CSMD1: variants seen among roughly 807,000 people sequenced by gnomAD.
The protein encoded by CSMD1 is CUB and Sushi multiple domains 1.
In CSMD1, 213 loss-of-function variants were observed where a neutral mutation model predicts 417.5. The observed-to-expected ratio is 0.51, with a 90% confidence interval of 0.46 to 0.57. The LOEUF is 0.57. CSMD1 is among the 20% of genes least tolerant of loss of function. CSMD1 has a pLI of 0.00. For synonymous variants in CSMD1, 2,862 were observed against 1,736.8 expected (o/e 1.65, Z -16.11); for missense variants, 6,923 against 4,529.7 (o/e 1.53, Z -15.17).
chr8:3,887,116 C>T (rs1675774695), intron 5 of CSMD1, among the ~76,000 whole-genome samples: 2 of 152,142 alleles, frequency 1.3e-5, no homozygotes, highest in South Asian at 4.1e-4. Flanking sequence ...GGTGGGACTT[C>T]TACCAAAACT....
rs1279024238 is a variant in CSMD1, at chr8:3,347,984, C to A, written c.3474+8G>T. 1.3e-6 allele frequency: 2 copies of A among 1,555,964 alleles called. No individual in the cohort carries two copies. The highest frequency in any genetic ancestry group is 2.3e-5 in the East Asian group (1 of 43,638). On this transcript the variant is annotated splice_region_variant and intron_variant, in intron 22 of 69. Coordinates refer to ENST00000635120, the MANE Select transcript of CSMD1 (RefSeq NM_033225.6). ...TGGAGTCATCATGTTGGAGAAGATT[C>A]TTTTTACCTTTAGAGTATCTCCTTC...
chr8:4,421,581 A>G (rs573981626), intron 2 of CSMD1, among the ~76,000 whole-genome samples: 2 of 152,232 alleles, frequency 1.3e-5, no homozygotes, highest in Admixed American at 1.3e-4. Context: ...ACACTTCTAA[A>G]TAATCCAGGG....
At chr8:4,733,445 C>G (rs531950136) in intron 1 of CSMD1, among the ~76,000 whole-genome samples, 2 of 152,120 alleles carry the variant, frequency 1.3e-5, no homozygotes, top group East Asian at 3.9e-4. Flanking sequence ...AGGTAGGTGT[C>G]GGAGAAGGAG....
chr8:4,327,449 C>T (rs2128888496), intron 3 of CSMD1, among the ~76,000 whole-genome samples: 1 of 152,224 alleles, frequency 6.6e-6, no homozygotes. Flanking sequence ...TGTTTGCAGC[C>T]TCCAGGTTGC....
chr8:4,527,329 G>A (rs1796566471), intron 2 of CSMD1, among the ~76,000 whole-genome samples: 1 of 152,012 alleles, frequency 6.6e-6, no homozygotes, highest in South Asian at 2.1e-4. Flanking sequence ...GTCTTCCTCT[G>A]CCCTTTACCC....
At chr8:3,532,091 A>G (rs920147461) in intron 10 of CSMD1, among the ~76,000 whole-genome samples, 9 of 152,132 alleles carry the variant, frequency 5.9e-5, no homozygotes, top group African/African-American at 2.2e-4. Flanking sequence ...AAGCCCCTAC[A>G]TTCCACTTTG....
intron 7 of CSMD1, among the ~76,000 whole-genome samples, chr8:3,670,241 A>G (rs1430183520): frequency 1.3e-5 from 2 of 151,944 alleles, no homozygotes; most frequent in African/African-American, 4.8e-5. Context: ...AAGCAGGCGG[A>G]AAAATATGAA....
intron 57 of CSMD1, among the ~76,000 whole-genome samples, chr8:2,968,749 A>G (rs1804191187): frequency 6.6e-6 from 1 of 152,212 alleles, no homozygotes; most frequent in South Asian, 2.1e-4. Flanking sequence ...GAGGAGAAAA[A>G]AGAACAATAA....
intron 3 of CSMD1, among the ~76,000 whole-genome samples, chr8:4,153,845 G>T (rs1460948796): frequency 6.6e-6 from 1 of 152,216 alleles, no homozygotes; most frequent in African/African-American, 2.4e-5. Context: ...TGCAAGTGGT[G>T]ACCGTAGCTA....
Position 4,438,157 on chromosome 8 carries a change from G to A in CSMD1, c.303-18092C>T, listed in dbSNP as rs191936897. Among the ~76,000 whole-genome samples the A allele has an allele frequency of 2.5e-3, 379 of 152,264 alleles. 1 individual carries two copies. The highest frequency in any genetic ancestry group is 8.4e-3 in the African/African-American group (347 of 41,542). On this transcript the variant is annotated intron_variant, in intron 2 of 69. Transcript: ENST00000635120. The stretch of plus-strand genomic sequence containing the variant: ...AGAATTGAGTGTGCTTCCTGATTTA[G>A]ATATTGCTGACTTCTTAAAAAACTC...
chr8:4,245,594 C>G (rs1267238563), intron 3 of CSMD1, among the ~76,000 whole-genome samples: 1 of 152,136 alleles, frequency 6.6e-6, no homozygotes, highest in East Asian at 1.9e-4. Flanking sequence ...ATCAGCTGGT[C>G]AACAGGTTCC....
In CSMD1 at chr8:4,080,094, G is replaced by C. The variant is rs1300414842; in HGVS notation, c.416-47995C>G. ...GACAACAGTCTCTGTCTCCATGTTTGTGTTCCTCACTCGTTCCATGTATAC... is the reference window on the plus strand; with the variant it reads ...GACAACAGTCTCTGTCTCCATGTTTCTGTTCCTCACTCGTTCCATGTATAC... On this transcript the variant is annotated intron_variant, in intron 3 of 69. Coordinates refer to ENST00000635120, the MANE Select transcript of CSMD1 (RefSeq NM_033225.6). Among the ~76,000 whole-genome samples the C allele has an allele frequency of 2.0e-5, 3 of 150,580 alleles. No individual in the cohort carries two copies. The East Asian group carries it at 5.8e-4, about 29-fold the overall frequency.
chr8:3,435,976 T>C (rs564431747), intron 12 of CSMD1, among the ~76,000 whole-genome samples: 4 of 152,268 alleles, frequency 2.6e-5, no homozygotes, highest in African/African-American at 7.2e-5. Context: ...CTTTGCAACT[T>C]TGTATTTGCA....
At chr8:4,211,570 A>G (rs900479877) in intron 3 of CSMD1, among the ~76,000 whole-genome samples, 5 of 152,286 alleles carry the variant, frequency 3.3e-5, no homozygotes, top group African/African-American at 9.6e-5. Context: ...CTCAAATTAG[A>G]TAGAAGTTTT....
At chr8:4,939,421 G>C (rs765957352) in intron 1 of CSMD1, among the ~76,000 whole-genome samples, 1 of 152,118 alleles carries the variant, frequency 6.6e-6, no homozygotes, top group Non-Finnish European at 1.5e-5. Context: ...CAGGTGAATC[G>C]ATAAAGAAAC....
At chr8:4,114,430 G>A (rs1227882933) in intron 3 of CSMD1, among the ~76,000 whole-genome samples, 1 of 152,188 alleles carries the variant, frequency 6.6e-6, no homozygotes, top group African/African-American at 2.4e-5. Flanking sequence ...TGACAACACA[G>A]GTGGTTACGG....
At chr8:4,992,843 C>T (rs1470988144) in intron 1 of CSMD1, among the ~76,000 whole-genome samples, 2 of 152,220 alleles carry the variant, frequency 1.3e-5, no homozygotes, top group East Asian at 3.9e-4. Flanking sequence ...CGACCACGAG[C>T]TTGGGTGACT....
In CSMD1 at chr8:3,214,624, G is replaced by C. The variant is rs1797788629; in HGVS notation, c.4740C>G (p.Phe1580Leu). Reference protein sequence around the residue: ...IMNGTRVGTDFKLGSTITYQC... With the variant: ...IMNGTRVGTDLKLGSTITYQC... ...GGTAGGTGATGGTGGAGCCAAGCTT[G>C]AAGTCTGTTCCAACTCTTGTCCCAT... Residue 1580 changes from phenylalanine (F) to leucine (L), a missense_variant, in exon 30 of 70, where the codon TTC becomes TTG. Phe to Leu is a conservative substitution (Grantham distance 22). Transcript: ENST00000635120. 6.4e-7 allele frequency: 1 copy of C among 1,556,528 alleles called. No individual in the cohort carries two copies. The highest frequency in any genetic ancestry group is 8.7e-7 in the Non-Finnish European group (1 of 1,149,560).
chr8:4,223,550 T>C (rs1801171782), intron 3 of CSMD1, among the ~76,000 whole-genome samples: 1 of 152,242 alleles, frequency 6.6e-6, no homozygotes, highest in South Asian at 2.1e-4. Flanking sequence ...CCAGGAGAGC[T>C]GGCCTGCAAG....
Sources: gnomAD v4.1 joint callset for allele counts (sites outside exome capture counted in the v4.1 genomes callset) on GRCh38, gnomAD v4.1.1 for gene constraint, MANE v1.5 for transcripts, NCBI Gene and HGNC (gene_info 2026-07-23, HGNC 2026-07-21) for gene names.